MAML1: variants seen among roughly 807,000 people sequenced by gnomAD.
MAML1 encodes mastermind-like protein 1.
A neutral mutation model predicts 77.1 loss-of-function variants in MAML1; 14 were observed. The ratio of observed to expected loss-of-function variants is 0.18; its 90% CI spans 0.12 to 0.28. The LOEUF (loss-of-function observed/expected upper bound fraction) is 0.28. Among genes scored for constraint, MAML1 ranks in the 10% least tolerant of loss-of-function variants. MAML1 has a pLI of 1.00. For synonymous variants in MAML1, 516 were observed against 551.9 expected, an observed-to-expected ratio of 0.93 and a Z score of 0.91; for missense variants, 1,217 against 1,327.8, an observed-to-expected ratio of 0.92 and a Z score of 1.30.
intron 2 of MAML1, among the ~76,000 whole-genome samples, chr5:179,767,365 C>A (rs953179058): frequency 6.6e-6 from 1 of 152,024 alleles, no homozygotes; most frequent in African/African-American, 2.4e-5. Flanking sequence ...AGCCCAGTGC[C>A]GGTAATATCA....
In MAML1 at chr5:179,756,629, A is replaced by C. The variant is rs561537602; in HGVS notation, c.316-8697A>C. Among the ~76,000 whole-genome samples, 325 of 152,252 alleles carry C rather than the reference A, an allele frequency of 2.1e-3. 1 individual carries two copies. The highest frequency in any genetic ancestry group is 7.0e-3 in the African/African-American group (292 of 41,556). The stretch of plus-strand genomic sequence containing the variant: ...TTTATCTGTAAGTAATGGGGAAATA[A>C]GACACTTAAAATGGTGCAGATATGT... On this transcript the variant is annotated intron_variant, in intron 1 of 4. Transcript: ENST00000292599.
intron 1 of MAML1, among the ~76,000 whole-genome samples, chr5:179,753,184 AGTGTGT>A (rs59680995): frequency 0.072 from 8,612 of 120,396 alleles, 292 homozygotes; most frequent in Non-Finnish European, 0.088. Flanking sequence ...GCTATTTTTT[AGTGTGT>A]GTGTGTGTGT....
intron 1 of MAML1, among the ~76,000 whole-genome samples, chr5:179,746,443 G>C (rs1779385840): frequency 6.6e-6 from 1 of 151,934 alleles, no homozygotes; most frequent in South Asian, 2.1e-4. Flanking sequence ...CGTGATCTTG[G>C]CTCACCGCAA....
In MAML1 at chr5:179,774,805, C is replaced by A. The variant is rs199901618; in HGVS notation, c.2979C>A (p.Ile993=). ...LSSVAGHTDL[I]DSLLKNRTSE... Reference sequence around the variant, plus strand: ...GTGTGGCTGGACACACCGATCTGATCGACTCCCTGCTGAAGAACAGGACTT... The same window carrying A: ...GTGTGGCTGGACACACCGATCTGATAGACTCCCTGCTGAAGAACAGGACTT... The change falls in exon 5 of 5, where the codon ATC becomes ATA. Residue 993 remains isoleucine (I), a synonymous_variant. Transcript: ENST00000292599. The A allele has an allele frequency of 2.5e-6, 4 of 1,613,956 alleles. No homozygotes were observed. Among genetic ancestry groups the A allele is most frequent in the Non-Finnish European group, 3.4e-6 (4 of 1,180,010 alleles).
chr5:179,733,070 C>G lies in MAML1; in HGVS notation c.-43C>G. On this transcript the variant is annotated 5_prime_UTR_variant, in exon 1 of 5. Transcript: ENST00000292599. Reference sequence around the variant, plus strand: ...CGAAGCCCGCAGTGCCAGCCGGCCCCGAGAGGCCCGGCCCCGGGCCCGGCC... The same window carrying G: ...CGAAGCCCGCAGTGCCAGCCGGCCCGGAGAGGCCCGGCCCCGGGCCCGGCC... The G allele has an allele frequency of 8.2e-7, 1 of 1,213,048 alleles. No individual in the cohort carries two copies. Among genetic ancestry groups the G allele is most frequent in the Non-Finnish European group, 1.0e-6 (1 of 962,930 alleles). 75.1% of individuals were successfully genotyped at this position (1,213,048 alleles called of 1,614,324 possible). A position where few individuals can be genotyped will look rare whatever the true frequency, so the allele number is the denominator to read the frequency against.
chr5:179,757,714 A>G (rs1779648884), intron 1 of MAML1, among the ~76,000 whole-genome samples: 2 of 152,208 alleles, frequency 1.3e-5, no homozygotes. Context: ...CATGTCTACC[A>G]AGCAACCTTC....
intron 1 of MAML1, among the ~76,000 whole-genome samples, chr5:179,747,736 G>A (rs1373783127): frequency 1.3e-5 from 2 of 148,544 alleles, no homozygotes; most frequent in Non-Finnish European, 3.0e-5. Context: ...CGTGAACCCC[G>A]GGAGGCGGAG....
chr5:179,763,791 G>A (rs1779762765), intron 1 of MAML1, among the ~76,000 whole-genome samples: 1 of 151,982 alleles, frequency 6.6e-6, no homozygotes, highest in Admixed American at 6.6e-5. Flanking sequence ...AGCTAGCACA[G>A]GGGGCTCCCC....
intron 1 of MAML1, among the ~76,000 whole-genome samples, chr5:179,737,863 CGTGGGG>C (rs1779202426): frequency 6.6e-6 from 1 of 152,122 alleles, no homozygotes. Context: ...GTGGCGCGAT[CGTGGGG>C]CACTACAGCC....
intron 1 of MAML1, among the ~76,000 whole-genome samples, chr5:179,761,617 C>T (rs1377381540): frequency 1.3e-5 from 2 of 152,124 alleles, no homozygotes; most frequent in Admixed American, 6.6e-5. Flanking sequence ...GTCACTTGAA[C>T]CTGGGAGGCA....
intron 1 of MAML1, among the ~76,000 whole-genome samples, chr5:179,754,912 C>T (rs774907302): frequency 2.0e-5 from 3 of 152,062 alleles, no homozygotes; most frequent in Non-Finnish European, 4.4e-5. Context: ...TGAGGCAGGT[C>T]CAGAGGGAAT....
At chr5:179,759,053 C>T (rs992048110) in intron 1 of MAML1, among the ~76,000 whole-genome samples, 2 of 152,126 alleles carry the variant, frequency 1.3e-5, no homozygotes, top group Non-Finnish European at 2.9e-5. Flanking sequence ...GATTTCCTCA[C>T]AGCACAGTTC....
rs1755944431 is a variant in MAML1 at position 179,769,975 on chromosome 5, C to T, written c.1971+886C>T. Among the ~76,000 whole-genome samples, 1 of 152,222 alleles carries T rather than the reference C, an allele frequency of 6.6e-6. No individual in the cohort carries two copies. The highest frequency in any genetic ancestry group is 2.1e-4 in the South Asian group (1 of 4,832). The stretch of plus-strand genomic sequence containing the variant: ...ATTGTGATGTAACTCACACAGCATA[C>T]ACTTCACCCACGTAAGTGAACAATT... On this transcript the variant is annotated intron_variant, in intron 3 of 4. Transcript: ENST00000292599. This position sits in a 1 kb window ranked among gnomAD's most constrained non-coding sequence, Gnocchi z 4.2.
chr5:179,771,952 G>T lies in MAML1; in HGVS notation c.2068+709G>T, dbSNP rs1162452947. 6.6e-6 allele frequency among the ~76,000 whole-genome samples: 1 copy of T among 152,186 alleles called. No individual in the cohort carries two copies. Among genetic ancestry groups the T allele is most frequent in the Non-Finnish European group, 1.5e-5 (1 of 68,040 alleles). Reference sequence around the variant, plus strand: ...GTGTGTCCTGGAGGAGACCAGGTACGGTTTTATGTATGTGCTACCTGGGGT... The same window carrying T: ...GTGTGTCCTGGAGGAGACCAGGTACTGTTTTATGTATGTGCTACCTGGGGT... On this transcript the variant is annotated intron_variant, in intron 4 of 4. Transcript: ENST00000292599. This position sits in a 1 kb window ranked among gnomAD's most constrained non-coding sequence, Gnocchi z 4.7.
rs1203502470 is a variant in MAML1 at position 179,774,954 on chromosome 5, T to C, written c.*77T>C. The C allele has an allele frequency of 4.0e-6, 6 of 1,512,454 alleles. No individual in the cohort carries two copies. In the African/African-American group the frequency reaches 5.5e-5, roughly 14 times the overall value. 93.7% of individuals were successfully genotyped at this position (1,512,454 alleles called of 1,614,324 possible). A position where few individuals can be genotyped will look rare whatever the true frequency, so the allele number is the denominator to read the frequency against. ...CAGATTCAAAGAAAGAGCAACTACT[T>C]TGGACCAAAAGCCCATGGCCTGGGG... On this transcript the variant is annotated 3_prime_UTR_variant, in exon 5 of 5. Transcript: ENST00000292599.
intron 1 of MAML1, among the ~76,000 whole-genome samples, chr5:179,745,441 C>T (rs887731640): frequency 4.6e-5 from 7 of 151,892 alleles, no homozygotes; most frequent in Middle Eastern, 3.4e-3. Context: ...AATGGCTGGG[C>T]GCGGTGGCTC....
chr5:179,743,624 C>G (rs1262683729), intron 1 of MAML1, among the ~76,000 whole-genome samples: 1 of 151,954 alleles, frequency 6.6e-6, no homozygotes, highest in Non-Finnish European at 1.5e-5. Context: ...CTCAGCCTCT[C>G]AAAGTGCTGG....
chr5:179,739,697 A>T lies in MAML1; in HGVS notation c.315+6270A>T, dbSNP rs55849321. 1.7e-3 allele frequency among the ~76,000 whole-genome samples: 265 copies of T among 152,342 alleles called. 1 individual carries two copies. The highest frequency in any genetic ancestry group is 3.1e-3 in the Admixed American group (47 of 15,306). ...AAACCCTGCATCAAAAATAAATAAA[A>T]AATAAAAATATGACAACATTTACAT... On this transcript the variant is annotated intron_variant, in intron 1 of 4. Coordinates refer to ENST00000292599, the MANE Select transcript of MAML1 (RefSeq NM_014757.5).
intron 1 of MAML1, among the ~76,000 whole-genome samples, chr5:179,759,879 TGG>T (rs1779694064): frequency 6.6e-6 from 1 of 152,086 alleles, no homozygotes; most frequent in Non-Finnish European, 1.5e-5. Flanking sequence ...TGTTAATGAA[TGG>T]AGAGAAGTGG....
Sources: allele counts gnomAD v4.1 joint callset (sites outside exome capture counted in the v4.1 genomes callset), GRCh38; gene constraint gnomAD v4.1.1; non-coding constraint Gnocchi (gnomAD v3.1); transcripts MANE v1.5; gene names NCBI Gene and HGNC (gene_info 2026-07-23, HGNC 2026-07-21).